The following TYW1B variants were observed in gnomAD, a reference collection of about 807,000 sequenced individuals.
The protein encoded by TYW1B is tRNA-yW synthesizing protein 1 homolog B.
A neutral mutation model predicts 86.9 loss-of-function variants in TYW1B; 73 were observed. The observed-to-expected ratio is 0.84, with a 90% CI of 0.70 to 1.02. The LOEUF (loss-of-function observed/expected upper bound fraction) is 1.02, where lower values mean the gene tolerates loss of function less well. Ranked by LOEUF, TYW1B falls within the 50% of genes least tolerant of loss-of-function variation. TYW1B has a pLI of 0.00. For synonymous variants in TYW1B, 248 were observed against 292.8 expected (o/e 0.85, Z 1.56); for missense variants, 637 against 827.4 (o/e 0.77, Z 2.82).
At chr7:72,797,965 CAA>C (rs1209677695) in intron 6 of TYW1B, among the ~76,000 whole-genome samples, 1 of 151,716 alleles carries the variant, frequency 6.6e-6, no homozygotes, top group African/African-American at 2.4e-5. Flanking sequence ...TCAGAACATG[CAA>C]AGTCTTTCAG....
At chr7:72,752,979 A>G (rs79312554) in intron 7 of TYW1B, among the ~76,000 whole-genome samples, 9,760 of 152,230 alleles carry the variant, frequency 0.064, 417 homozygotes, top group Non-Finnish European at 0.09. Context: ...AAACAAGGGG[A>G]AAAAGTCACC....
chr7:72,690,600 G>A (rs1181756678), intron 11 of TYW1B, among the ~76,000 whole-genome samples: 2 of 152,312 alleles, frequency 1.3e-5, no homozygotes, highest in African/African-American at 4.8e-5. Context: ...TAAAGTTTAA[G>A]AAATTCTCTT....
chr7:72,728,202 C>A (rs1257108662), intron 9 of TYW1B, among the ~76,000 whole-genome samples: 2 of 152,072 alleles, frequency 1.3e-5, no homozygotes, highest in African/African-American at 2.4e-5. Flanking sequence ...CTGCTCAGCT[C>A]AACGAGACAG....
intron 13 of TYW1B, among the ~76,000 whole-genome samples, chr7:72,615,807 A>C (rs1812058877): frequency 6.6e-6 from 1 of 152,082 alleles, no homozygotes; most frequent in South Asian, 2.1e-4. Context: ...CAAAATTAAG[A>C]AATTAATGGT....
intron 7 of TYW1B, among the ~76,000 whole-genome samples, chr7:72,776,464 G>A (rs1787955398): frequency 6.8e-6 from 1 of 148,060 alleles, no homozygotes; most frequent in South Asian, 2.1e-4. Context: ...AGGAGGCTGA[G>A]GCAGGAGAAT....
At position 72,684,848 on chromosome 7, in the gene TYW1B, A is replaced by C. The variant is rs139284622; in HGVS notation, c.1506+9839T>G. Among the ~76,000 whole-genome samples, 1,079 of 152,192 alleles carry C rather than the reference A, an allele frequency of 7.1e-3. 17 individuals carry two copies. Among genetic ancestry groups the C allele is most frequent in the African/African-American group, 0.025 (1,051 of 41,566 alleles). ...TAAGGAGGCTGGGCACAGTGGGTCA[A>C]GCCTATAATCCCAGCACTTTGGGAG... On this transcript the variant is annotated intron_variant, in intron 11 of 13. Coordinates refer to ENST00000620995, the MANE Select transcript of TYW1B (RefSeq NM_001145440.3).
chr7:72,582,998 G>A (rs139809253), intron 13 of TYW1B, among the ~76,000 whole-genome samples: 2 of 152,244 alleles, frequency 1.3e-5, no homozygotes, highest in African/African-American at 2.4e-5. Context: ...GGAGGGTGGG[G>A]GAATGGGAAA....
chr7:72,804,786 G>A (rs1231128649), intron 5 of TYW1B, among the ~76,000 whole-genome samples: 1 of 152,142 alleles, frequency 6.6e-6, no homozygotes, highest in African/African-American at 2.4e-5. Context: ...GCTGCAGTGA[G>A]CTATGCACTA....
intron 12 of TYW1B, 21 bp downstream of exon 12, chr7:72,628,866 C>G (rs1554439320): frequency 6.4e-7 from 1 of 1,569,332 alleles, no homozygotes; most frequent in African/African-American, 1.4e-5. Context: ...ACCACGGCCA[C>G]CAGAGTCAGC....
In TYW1B at chr7:72,662,464, T is replaced by C. The variant is rs575437809; in HGVS notation, c.1506+32223A>G. Among the ~76,000 whole-genome samples the C allele has an allele frequency of 4.7e-3, 716 of 150,938 alleles. 2 individuals carry two copies. The highest frequency in any genetic ancestry group is 7.7e-3 in the Non-Finnish European group (520 of 67,388). On this transcript the variant is annotated intron_variant, in intron 11 of 13. Transcript: ENST00000620995. ...ATAGATAGATAGATAGATAGATAGA[T>C]AGATAGATAGATAAATTTTTTTCCT...
At chr7:72,596,773 T>A (rs1488471106) in intron 13 of TYW1B, among the ~76,000 whole-genome samples, 1 of 151,964 alleles carries the variant, frequency 6.6e-6, no homozygotes, top group Non-Finnish European at 1.5e-5. Flanking sequence ...GTAGACAAAC[T>A]GGACCTTATG....
chr7:72,593,807 G>A (rs1235604575), intron 13 of TYW1B, among the ~76,000 whole-genome samples: 14 of 111,362 alleles, frequency 1.3e-4, no homozygotes, highest in Non-Finnish European at 1.8e-4. Context: ...GGGTGACAGA[G>A]CCAGACTCCA....
At chr7:72,721,412 T>A (rs1421944660) in intron 9 of TYW1B, among the ~76,000 whole-genome samples, 1 of 152,110 alleles carries the variant, frequency 6.6e-6, no homozygotes. Flanking sequence ...GCACCTGTTG[T>A]TTCCTGACTT....
chr7:72,801,980 A>G (rs1174750761), intron 6 of TYW1B, among the ~76,000 whole-genome samples: 2 of 152,138 alleles, frequency 1.3e-5, no homozygotes, highest in African/African-American at 4.8e-5. Context: ...TCCAACCCAC[A>G]GCCCACTGGC....
intron 11 of TYW1B, among the ~76,000 whole-genome samples, chr7:72,670,471 G>A (rs1412058756): frequency 2.0e-5 from 3 of 152,202 alleles, no homozygotes; most frequent in Admixed American, 6.5e-5. Flanking sequence ...GATTACAGGT[G>A]TGAGCCACCA....
intron 13 of TYW1B, among the ~76,000 whole-genome samples, chr7:72,594,040 T>C (rs1337347143): frequency 6.6e-6 from 1 of 151,908 alleles, no homozygotes; most frequent in East Asian, 1.9e-4. Context: ...TAAAAACTTA[T>C]AGCTATAAAC....
At chr7:72,627,362 C>T (rs1313209424) in intron 12 of TYW1B, among the ~76,000 whole-genome samples, 7 of 151,756 alleles carry the variant, frequency 4.6e-5, no homozygotes, top group Admixed American at 6.6e-5. Context: ...GGAGGAGAAT[C>T]GCTTGAACCC....
intron 9 of TYW1B, among the ~76,000 whole-genome samples, chr7:72,720,223 A>G (rs1416009173): frequency 6.6e-6 from 1 of 152,192 alleles, no homozygotes; most frequent in East Asian, 1.9e-4. Flanking sequence ...CTCCAGCAAC[A>G]TGGCTGCCAT....
rs1783438089 is a variant in TYW1B at position 72,715,867 on chromosome 7, G to A, written c.1193-2069C>T. On this transcript the variant is annotated intron_variant, in intron 9 of 13. Transcript: ENST00000620995. ...GGATAGGGGTTCCTCATGGAGCTTGGGCCTAGGGGAGAAGCGTGTTCATGT... is the reference window on the plus strand; with the variant it reads ...GGATAGGGGTTCCTCATGGAGCTTGAGCCTAGGGGAGAAGCGTGTTCATGT... Among the ~76,000 whole-genome samples the A allele has an allele frequency of 3.3e-5, 5 of 152,096 alleles. No individual in the cohort carries two copies. The South Asian group carries it at 1.0e-3, about 32-fold the overall frequency.
Sources: gnomAD v4.1 joint callset for allele counts (sites outside exome capture counted in the v4.1 genomes callset) on GRCh38, gnomAD v4.1.1 for gene constraint, MANE v1.5 for transcripts, NCBI Gene and HGNC (gene_info 2026-07-23, HGNC 2026-07-21) for gene names.